Variants in KAZN observed in about 807,000 individuals in gnomAD.
KAZN encodes kazrin, periplakin interacting protein.
In KAZN, 40 loss-of-function variants were observed where a neutral mutation model predicts 87.4. The ratio of observed to expected loss-of-function variants is 0.46; its 90% CI spans 0.36 to 0.60. KAZN has a LOEUF of 0.60. KAZN is among the 20% of genes least tolerant of loss of function. The pLI is 0.00. For missense variants in KAZN, 898 were observed against 1,073.9 expected (o/e 0.84, Z 2.29); for synonymous variants, 466 against 458.3 (o/e 1.02, Z -0.22).
chr1:14,180,346 C>T, intron 1 of KAZN: 2 of 1,184,780 alleles, frequency 1.7e-6, no homozygotes, highest in South Asian at 1.5e-5. Flanking sequence ...TGTATGTACA[C>T]CCTTACTTTT....
chr1:14,399,621 ACT>A (rs1304252663), intron 2 of KAZN, among the ~76,000 whole-genome samples: 1 of 151,944 alleles, frequency 6.6e-6, no homozygotes, highest in Admixed American at 6.5e-5. Flanking sequence ...CCATCTCAAA[ACT>A]CTCTGTCCTG....
intron 2 of KAZN, among the ~76,000 whole-genome samples, chr1:14,466,669 A>T (rs1668150572): frequency 7.1e-6 from 1 of 139,878 alleles, no homozygotes; most frequent in African/African-American, 2.5e-5. Context: ...TTAAAAAAAA[A>T]AAAAAAGAAG....
At chr1:14,880,835 C>A (rs960775728) in intron 1 of KAZN, among the ~76,000 whole-genome samples, 3 of 152,188 alleles carry the variant, frequency 2.0e-5, no homozygotes, top group Non-Finnish European at 2.9e-5. Context: ...TTGGAAGTCA[C>A]ATGGCATCAC....
intron 1 of KAZN, among the ~76,000 whole-genome samples, chr1:14,785,353 G>C (rs553166506): frequency 5.9e-5 from 9 of 152,200 alleles, no homozygotes; most frequent in Admixed American, 3.9e-4. Flanking sequence ...TAATCTTATT[G>C]GATGGTTTGG....
intron 1 of KAZN, among the ~76,000 whole-genome samples, chr1:13,942,364 C>A (rs1008424632): frequency 6.8e-6 from 1 of 147,760 alleles, no homozygotes; most frequent in African/African-American, 2.5e-5. Flanking sequence ...CAAGGTGAAA[C>A]CCCGTCTCTA....
chr1:14,114,375 G>T (rs1644565937), intron 1 of KAZN, among the ~76,000 whole-genome samples: 1 of 152,082 alleles, frequency 6.6e-6, no homozygotes, highest in Non-Finnish European at 1.5e-5. Context: ...GGGGAGGCAG[G>T]ATATGACTCT....
intron 2 of KAZN, among the ~76,000 whole-genome samples, chr1:14,224,658 G>A (rs1023096234): frequency 3.9e-5 from 6 of 152,168 alleles, no homozygotes; most frequent in Non-Finnish European, 8.8e-5. Flanking sequence ...TGACATAGTA[G>A]GGGATGGCTG....
chr1:13,935,248 A>AGTG (rs1640679739), intron 1 of KAZN, among the ~76,000 whole-genome samples: 3 of 132,854 alleles, frequency 2.3e-5, no homozygotes, highest in African/African-American at 7.9e-5. Context: ...AAATAGTAGT[A>AGTG]GTAGTAATAA....
Position 14,719,044 on chromosome 1 carries a change from G to T in KAZN, c.226+119821G>T, listed in dbSNP as rs12086751. 9.8e-3 allele frequency among the ~76,000 whole-genome samples: 1,491 copies of T among 152,212 alleles called. 26 individuals are homozygous for T. The highest frequency in any genetic ancestry group is 0.034 in the African/African-American group (1,400 of 41,528). ...GGTTTCCAAGAACAGCGGGAACCTG[G>T]TGTGGCTCCCATCATAATCTACCCA... On this transcript the variant is annotated intron_variant, in intron 1 of 14. Coordinates refer to ENST00000376030, the MANE Select transcript of KAZN (RefSeq NM_201628.3).
chr1:14,886,942 A>G (rs903692466), intron 1 of KAZN, among the ~76,000 whole-genome samples: 3 of 152,204 alleles, frequency 2.0e-5, no homozygotes, highest in African/African-American at 7.2e-5. Context: ...TGTTTCCAGC[A>G]CTTCAAAACC....
At chr1:14,657,161 C>A (rs1638854672) in intron 1 of KAZN, among the ~76,000 whole-genome samples, 1 of 145,354 alleles carries the variant, frequency 6.9e-6, no homozygotes, top group African/African-American at 2.5e-5. Context: ...CGGCTCACTG[C>A]AACCTCCGCC....
intron 1 of KAZN, among the ~76,000 whole-genome samples, chr1:14,712,390 G>A (rs1221614917): frequency 6.6e-6 from 1 of 152,124 alleles, no homozygotes; most frequent in East Asian, 1.9e-4. Context: ...TCTGTGTTTT[G>A]GCTCAAACCC....
chr1:14,357,031 C>T (rs537634919), intron 2 of KAZN, among the ~76,000 whole-genome samples: 29 of 151,974 alleles, frequency 1.9e-4, no homozygotes, highest in African/African-American at 6.3e-4. Flanking sequence ...TGGCCATTTT[C>T]ACGATATTGA....
In KAZN at chr1:14,735,484, C is replaced by T. The variant is rs981131875; in HGVS notation, c.226+136261C>T. The stretch of plus-strand genomic sequence containing the variant: ...CACCTTGGGTGTTTAGGCTGGACCC[C>T]GAAACCACCCCCATACACAAAGCCT... On this transcript the variant is annotated intron_variant, in intron 1 of 14. Coordinates refer to ENST00000376030, the MANE Select transcript of KAZN (RefSeq NM_201628.3). This position sits in a 1 kb window ranked among gnomAD's most constrained non-coding sequence, Gnocchi z 4.3. Among the ~76,000 whole-genome samples the T allele has an allele frequency of 6.6e-6, 1 of 152,184 alleles. No homozygotes were observed. The highest frequency in any genetic ancestry group is 1.5e-5 in the Non-Finnish European group (1 of 68,036).
At chr1:14,690,209 G>A (rs1641204990) in intron 1 of KAZN, among the ~76,000 whole-genome samples, 1 of 152,274 alleles carries the variant, frequency 6.6e-6, no homozygotes, top group South Asian at 2.1e-4. Flanking sequence ...CTGCGGTCCT[G>A]CTGGCTTTTT....
intron 1 of KAZN, chr1:13,893,874 C>G: frequency 1.6e-6 from 2 of 1,224,644 alleles, no homozygotes; most frequent in Admixed American, 2.6e-5. Flanking sequence ...TCATCTCTTT[C>G]TTGATATAAT....
intron 2 of KAZN, among the ~76,000 whole-genome samples, chr1:14,517,842 T>A (rs1027967041): frequency 6.6e-6 from 1 of 152,182 alleles, no homozygotes; most frequent in Non-Finnish European, 1.5e-5. Flanking sequence ...GATGGATGGC[T>A]CCACATTTTC....
intron 1 of KAZN, among the ~76,000 whole-genome samples, chr1:14,787,597 G>A (rs1421030660): frequency 6.6e-6 from 1 of 152,220 alleles, no homozygotes; most frequent in Non-Finnish European, 1.5e-5. Flanking sequence ...CTCAATTAAT[G>A]TTGGCCATTA....
intron 1 of KAZN, among the ~76,000 whole-genome samples, chr1:14,686,847 C>G (rs539294828): frequency 1.2e-3 from 185 of 152,356 alleles, no homozygotes; most frequent in Middle Eastern, 0.01. Flanking sequence ...GGCCTAGGCT[C>G]CCTCTGGAAT....
Sources: allele counts gnomAD v4.1 joint callset (sites outside exome capture counted in the v4.1 genomes callset), GRCh38; gene constraint gnomAD v4.1.1; non-coding constraint Gnocchi (gnomAD v3.1); transcripts MANE v1.5; gene names NCBI Gene and HGNC (gene_info 2026-07-23, HGNC 2026-07-21).